The following PITPNB variants were observed in gnomAD, a reference collection of about 807,000 sequenced individuals.
PITPNB encodes phosphatidylinositol transfer protein beta, also known as phosphatidylinositol transfer protein beta isoform.
In PITPNB, 16 loss-of-function variants were observed where a neutral mutation model predicts 45.9. The ratio of observed to expected loss-of-function variants is 0.35; its 90% CI spans 0.24 to 0.53. PITPNB has a LOEUF of 0.53. Ranked by LOEUF, PITPNB falls within the 20% of genes least tolerant of loss-of-function variation. PITPNB has a pLI of 0.93. For missense variants in PITPNB, 188 were observed against 330.5 expected, an observed-to-expected ratio of 0.57 and a Z score of 3.34; for synonymous variants, 112 against 108.9, an observed-to-expected ratio of 1.03 and a Z score of -0.18.
At chr22:27,891,091 G>A (rs970738301) in intron 7 of PITPNB, among the ~76,000 whole-genome samples, 3 of 152,182 alleles carry the variant, frequency 2.0e-5, no homozygotes, top group Non-Finnish European at 4.4e-5. Flanking sequence ...ATCAGGGAAC[G>A]ACTGTTCATG....
At chr22:27,889,182 G>A (rs1476378555) in intron 7 of PITPNB, among the ~76,000 whole-genome samples, 1 of 152,132 alleles carries the variant, frequency 6.6e-6, no homozygotes, top group Non-Finnish European at 1.5e-5. Flanking sequence ...GAGGGAGGAG[G>A]GGGCAAGAAA....
chr22:27,896,644 G>C lies in PITPNB; in HGVS notation c.298-18C>G. 6.4e-7 allele frequency: 1 copy of C among 1,552,390 alleles called. No individual in the cohort carries two copies. Among genetic ancestry groups the C allele is most frequent in the South Asian group, 1.1e-5 (1 of 89,874 alleles). On this transcript the variant is annotated intron_variant, in intron 5 of 11. Transcript: ENST00000335272. Reference sequence around the variant, plus strand: ...TATTCATTCTGCAGAAAACACAACAGGAAAATGACAGTGATCTTCTACCTG... The same window carrying C: ...TATTCATTCTGCAGAAAACACAACACGAAAATGACAGTGATCTTCTACCTG...
At chr22:27,861,400 T>A (rs1023454862) in intron 8 of PITPNB, among the ~76,000 whole-genome samples, 1 of 152,182 alleles carries the variant, frequency 6.6e-6, no homozygotes, top group Non-Finnish European at 1.5e-5. Flanking sequence ...TACTAAGGCT[T>A]TGCCTTACTT....
intron 7 of PITPNB, among the ~76,000 whole-genome samples, chr22:27,882,179 C>G (rs1034939653): frequency 2.0e-5 from 3 of 152,062 alleles, no homozygotes; most frequent in African/African-American, 7.2e-5. Context: ...TAAATTAAAC[C>G]AAGTTTCATC....
At chr22:27,858,322 C>T in intron 10 of PITPNB, 65 bp downstream of exon 10, 1 of 1,235,220 alleles carries the variant, frequency 8.1e-7, no homozygotes, top group South Asian at 1.4e-5. Context: ...TCTGTATTTA[C>T]CAAGCATGTA....
intron 10 of PITPNB, among the ~76,000 whole-genome samples, chr22:27,858,071 CTG>C (rs1474796767): frequency 6.6e-6 from 1 of 152,194 alleles, no homozygotes; most frequent in Non-Finnish European, 1.5e-5. Context: ...TCTAAAACGA[CTG>C]TGAACCAGGA....
intron 10 of PITPNB, among the ~76,000 whole-genome samples, chr22:27,858,025 C>G (rs1034722756): frequency 5.3e-5 from 8 of 150,470 alleles, no homozygotes; most frequent in African/African-American, 1.7e-4. Flanking sequence ...TGCTGTGATA[C>G]AAACTGAGCC....
At chr22:27,890,959 A>G (rs924312063) in intron 7 of PITPNB, among the ~76,000 whole-genome samples, 3 of 152,248 alleles carry the variant, frequency 2.0e-5, no homozygotes, top group Admixed American at 1.3e-4. Context: ...GAAGTATAAG[A>G]AAGAAGCCAG....
At chr22:27,864,677 C>T (rs1409142915) in intron 8 of PITPNB, among the ~76,000 whole-genome samples, 1 of 152,158 alleles carries the variant, frequency 6.6e-6, no homozygotes, top group Non-Finnish European at 1.5e-5. Flanking sequence ...GTGGTTCACA[C>T]CTGTAAACCC....
rs8136034 is a variant in PITPNB, at chr22:27,857,813, T to C, written c.768+574A>G. Among the ~76,000 whole-genome samples, 1,003 of 152,296 alleles carry C rather than the reference T, an allele frequency of 6.6e-3. 15 individuals are homozygous for C. Among genetic ancestry groups the C allele is most frequent in the African/African-American group, 0.023 (956 of 41,552 alleles). On this transcript the variant is annotated intron_variant, in intron 10 of 11. Transcript: ENST00000335272. ...CACTGGTGGTGGGGAGCAGCTGGGA[T>C]GGGCTGTAACACTGAACTGTGGCAT... is the stretch of plus-strand genomic sequence containing the variant.
At chr22:27,905,837 G>A (rs147023603) in intron 3 of PITPNB, among the ~76,000 whole-genome samples, 299 of 152,312 alleles carry the variant, frequency 2.0e-3, no homozygotes, top group Admixed American at 3.7e-3. Context: ...CAGTGTGTTC[G>A]TACAGTGAGG....
intron 8 of PITPNB, among the ~76,000 whole-genome samples, chr22:27,868,750 T>A (rs1934557236): frequency 6.6e-6 from 1 of 152,192 alleles, no homozygotes; most frequent in Non-Finnish European, 1.5e-5. Context: ...AACTTATTTA[T>A]TTGACCTGAT....
At chr22:27,858,638 T>C (rs1934236908) in intron 9 of PITPNB, 129 bp from the exon 10 acceptor site, 1 of 626,912 alleles carries the variant, frequency 1.6e-6, no homozygotes, top group African/African-American at 1.9e-5. Flanking sequence ...CTCTGTAGAT[T>C]TGTGGAAATC....
chr22:27,877,972 G>C (rs1934868102), intron 7 of PITPNB, among the ~76,000 whole-genome samples: 1 of 152,170 alleles, frequency 6.6e-6, no homozygotes, highest in Admixed American at 6.5e-5. Context: ...CCTGTGGAGA[G>C]GGGGTGTTTT....
At chr22:27,872,992 G>A (rs1156420398) in intron 8 of PITPNB, among the ~76,000 whole-genome samples, 1 of 152,214 alleles carries the variant, frequency 6.6e-6, no homozygotes, top group East Asian at 1.9e-4. Flanking sequence ...TACTGGCTGG[G>A]CGCAGTGGCT....
At chr22:27,908,148 C>A (rs766268801) in intron 3 of PITPNB, among the ~76,000 whole-genome samples, 107 of 151,686 alleles carry the variant, frequency 7.1e-4, no homozygotes, top group Non-Finnish European at 1.3e-3. Context: ...TGGAGTGTTA[C>A]CTAAATCAAC....
rs1461188404 is a variant in PITPNB, at chr22:27,902,519, GCAATTATT to G, written c.198-4635_198-4628del. Among the ~76,000 whole-genome samples, 1,025 of 152,214 alleles carry G rather than the reference GCAATTATT, an allele frequency of 6.7e-3. 6 individuals carry two copies. The highest frequency in any genetic ancestry group is 0.022 in the African/African-American group (930 of 41,506). On this transcript the variant is annotated intron_variant, in intron 3 of 11. Coordinates refer to ENST00000335272, the MANE Select transcript of PITPNB (RefSeq NM_012399.5). ...TTAATTGGAGTGGGAAAGAATGGAT[GCAATTATT>G]GAGTTAATTGCAAAAATTAACTCAA...
intron 8 of PITPNB, among the ~76,000 whole-genome samples, chr22:27,867,788 TGAATCCTTCAACTCTGTCTGAGAACAGA>T (rs1456788216): frequency 6.6e-6 from 1 of 152,198 alleles, no homozygotes; most frequent in Non-Finnish European, 1.5e-5. Flanking sequence ...CGTCTGTGCC[TGAATCCTTCAACTCTGTCTGAGAACAGA>T]GACATTCCAT....
chr22:27,874,401 C>A (rs1166885769), intron 7 of PITPNB, among the ~76,000 whole-genome samples: 1 of 152,176 alleles, frequency 6.6e-6, no homozygotes, highest in African/African-American at 2.4e-5. Context: ...CATAGAAGGA[C>A]TGCACTCACG....
Sources: gnomAD v4.1 joint callset for allele counts (sites outside exome capture counted in the v4.1 genomes callset) on GRCh38, gnomAD v4.1.1 for gene constraint, MANE v1.5 for transcripts, NCBI Gene and HGNC (gene_info 2026-07-23, HGNC 2026-07-21) for gene names.